The following ITSN1 variants were observed in gnomAD, a reference collection of about 807,000 sequenced individuals.
The protein encoded by ITSN1 is intersectin-1.
In ITSN1, 58 loss-of-function variants were observed where a neutral mutation model predicts 239.8. That is an observed-to-expected ratio of 0.24 (90% CI 0.20 to 0.30). ITSN1 has a LOEUF of 0.30. Ranked by LOEUF, ITSN1 falls within the 10% of genes least tolerant of loss-of-function variation. The probability of loss-of-function intolerance (pLI) is 1.00; values close to 1 mark genes in which losing one functional copy is unlikely to be tolerated. For missense variants in ITSN1, 1,558 were observed against 2,103.3 expected, an observed-to-expected ratio of 0.74 and a Z score of 5.07; for synonymous variants, 780 against 770.8, an observed-to-expected ratio of 1.01 and a Z score of -0.20.
chr21:33,839,604 G>T (rs1202545569), intron 29 of ITSN1, among the ~76,000 whole-genome samples: 1 of 152,326 alleles, frequency 6.6e-6, no homozygotes, highest in Non-Finnish European at 1.5e-5. Context: ...AGCTGTGTAA[G>T]CCAGTGTTGC....
intron 9 of ITSN1, among the ~76,000 whole-genome samples, chr21:33,763,223 C>T (rs563442748): frequency 7.5e-6 from 1 of 132,976 alleles, no homozygotes; most frequent in East Asian, 2.4e-4. Context: ...CAGGCCGCCC[C>T]CCAACCAAAA....
intron 1 of ITSN1, among the ~76,000 whole-genome samples, chr21:33,677,495 A>G (rs1424228217): frequency 6.6e-6 from 1 of 151,926 alleles, no homozygotes; most frequent in Non-Finnish European, 1.5e-5. Context: ...GTGTGCCACC[A>G]TGTCCAGCTA....
chr21:33,704,923 TAAAA>T (rs55966725), intron 1 of ITSN1, among the ~76,000 whole-genome samples: 949 of 93,664 alleles, frequency 0.01, 16 homozygotes, highest in African/African-American at 0.039. Context: ...CCATCTCTAC[TAAAA>T]AAAAAAAAAA....
chr21:33,763,006 G>A (rs914242104), intron 9 of ITSN1, among the ~76,000 whole-genome samples: 1 of 151,932 alleles, frequency 6.6e-6, no homozygotes, highest in Admixed American at 6.6e-5. Flanking sequence ...GCTCACCTAA[G>A]TTTTTCAGTA....
chr21:33,774,768 T>C lies in ITSN1; in HGVS notation c.1345T>C (p.Trp449Arg). The C allele has an allele frequency of 1.2e-6, 2 of 1,613,856 alleles. No individual in the cohort carries two copies. The highest frequency in any genetic ancestry group is 1.7e-6 in the Non-Finnish European group (2 of 1,179,946). ...ACTTGAAAGGCAACGACAACTTGAG[T>C]GGGAACGGAATCGAAGGCAAGAACT... Reference protein sequence around the residue: ...RELERQRQLEWERNRRQELLN... With the variant: ...RELERQRQLERERNRRQELLN... The change falls in exon 13 of 40, where the codon TGG (tryptophan) becomes CGG (arginine). Residue 449 changes from tryptophan (W) to arginine (R), a missense_variant. Coordinates refer to ENST00000381318, the MANE Select transcript of ITSN1 (RefSeq NM_003024.3).
At chr21:33,884,356 C>G (rs1326233452) in intron 36 of ITSN1, among the ~76,000 whole-genome samples, 1 of 152,138 alleles carries the variant, frequency 6.6e-6, no homozygotes. Context: ...CAAACCCAAA[C>G]CTCTCCTCAC....
At chr21:33,723,848 G>C (rs558018282) in intron 4 of ITSN1, among the ~76,000 whole-genome samples, 3 of 152,156 alleles carry the variant, frequency 2.0e-5, no homozygotes, top group African/African-American at 7.2e-5. Flanking sequence ...ACCCAAAAAG[G>C]TATCATCTCC....
At chr21:33,855,101 A>T (rs1282542124) in intron 29 of ITSN1, among the ~76,000 whole-genome samples, 1 of 152,258 alleles carries the variant, frequency 6.6e-6, no homozygotes, top group Non-Finnish European at 1.5e-5. Flanking sequence ...TACAATTTGC[A>T]GAAGCTTTCA....
At position 33,885,445 on chromosome 21, in the gene ITSN1, C is replaced by A. The variant is rs946876442; in HGVS notation, c.4766C>A (p.Ser1589Tyr). 1 of 1,613,832 alleles carries A rather than the reference C, an allele frequency of 6.2e-7. No homozygotes were observed. The highest frequency in any genetic ancestry group is 1.3e-5 in the African/African-American group (1 of 74,894). ...KKREKAYLVR[S>Y]QRATGIGRLM... ...GTTTTTCCTGCCGTCATAGTCCGTT[C>A]CCAAAGGGCAACAGGCATTGGAAGG... The change falls in exon 38 of 40, where the codon TCC becomes TAC. Residue 1589 changes from serine to tyrosine, a missense_variant. Ser to Tyr is a moderately radical substitution (Grantham distance 144). Transcript: ENST00000381318.
At chr21:33,819,936 T>C (rs1016785957) in intron 24 of ITSN1, among the ~76,000 whole-genome samples, 1 of 152,044 alleles carries the variant, frequency 6.6e-6, no homozygotes, top group South Asian at 2.1e-4. Context: ...GAGCCGAGAT[T>C]GCGCCACTGC....
At chr21:33,690,381 C>T (rs1454218586) in intron 1 of ITSN1, among the ~76,000 whole-genome samples, 7 of 151,798 alleles carry the variant, frequency 4.6e-5, no homozygotes, top group East Asian at 2.0e-4. Flanking sequence ...AGGAGGATCA[C>T]GAGGTCAGGA....
intron 14 of ITSN1, 69 bp from the exon 15 acceptor site, chr21:33,781,392 G>A (rs2070166816): frequency 1.2e-6 from 1 of 843,254 alleles, no homozygotes; most frequent in African/African-American, 1.7e-5. Flanking sequence ...CTTAAGCTCT[G>A]CCTGGATCTT....
chr21:33,863,711 A>C (rs1981063037), intron 31 of ITSN1, among the ~76,000 whole-genome samples: 1 of 152,256 alleles, frequency 6.6e-6, no homozygotes, highest in Admixed American at 6.5e-5. Flanking sequence ...TCATAGGAAA[A>C]TGATGGAATG....
At chr21:33,790,047 A>G (rs1367197276) in intron 16 of ITSN1, among the ~76,000 whole-genome samples, 1 of 152,190 alleles carries the variant, frequency 6.6e-6, no homozygotes. Flanking sequence ...GAATCTTGAT[A>G]TGCCAGTAAT....
chr21:33,769,801 T>C (rs2068996522), intron 11 of ITSN1, among the ~76,000 whole-genome samples: 1 of 151,808 alleles, frequency 6.6e-6, no homozygotes, highest in South Asian at 2.1e-4. Context: ...GTTCTAGCGA[T>C]TCTCCTGCCT....
chr21:33,746,127 C>T (rs989835597), intron 5 of ITSN1, among the ~76,000 whole-genome samples: 1 of 152,112 alleles, frequency 6.6e-6, no homozygotes, highest in Non-Finnish European at 1.5e-5. Context: ...TTTTAAAAAC[C>T]CAACTGAGCA....
intron 1 of ITSN1, among the ~76,000 whole-genome samples, chr21:33,686,036 A>AT (rs2091219170): frequency 6.6e-6 from 1 of 152,166 alleles, no homozygotes; most frequent in Non-Finnish European, 1.5e-5. Flanking sequence ...TCACATTTAT[A>AT]TTTTGCTTTA....
At position 33,819,913 on chromosome 21, in the gene ITSN1, C is replaced by T. The variant is rs573533486; in HGVS notation, c.3016+590C>T. Among the ~76,000 whole-genome samples the T allele has an allele frequency of 8.0e-3, 1,216 of 152,148 alleles. 9 individuals are homozygous for T. Among genetic ancestry groups the T allele is most frequent in the Middle Eastern group, 0.017 (5 of 292 alleles). On this transcript the variant is annotated intron_variant, in intron 24 of 39. Transcript: ENST00000381318. ...AGGAGAATGGCGTGAACCCGGGAAG[C>T]GGAGCTTGCAGTGAGCCGAGATTGC... is the stretch of plus-strand genomic sequence containing the variant.
At position 33,831,335 on chromosome 21, in the gene ITSN1, G is replaced by A. The variant is rs192848207; in HGVS notation, c.3351+1590G>A. ...GTGGGCCTCTGCGTAACACAGGGGG[G>A]CCTCAGTAAGGCTTGAACGGATATA... On this transcript the variant is annotated intron_variant, in intron 27 of 39. Coordinates refer to ENST00000381318, the MANE Select transcript of ITSN1 (RefSeq NM_003024.3). Among the ~76,000 whole-genome samples the A allele has an allele frequency of 1.6e-3, 248 of 152,346 alleles. 2 individuals carry two copies. The highest frequency in any genetic ancestry group is 5.8e-3 in the African/African-American group (243 of 41,574).
Sources: allele counts gnomAD v4.1 joint callset (sites outside exome capture counted in the v4.1 genomes callset), GRCh38; gene constraint gnomAD v4.1.1; transcripts MANE v1.5; gene names NCBI Gene and HGNC (gene_info 2026-07-23, HGNC 2026-07-21).